The following POLE variants were observed in gnomAD, a reference collection of about 807,000 sequenced individuals.
POLE encodes DNA polymerase epsilon catalytic subunit A.
A neutral mutation model predicts 279.2 loss-of-function variants in POLE; 188 were observed. That is an observed-to-expected ratio of 0.67 (90% CI 0.60 to 0.76). The LOEUF (loss-of-function observed/expected upper bound fraction) is 0.76, where lower values mean the gene tolerates loss of function less well. Among genes scored for constraint, POLE ranks in the 30% least tolerant of loss-of-function variants. The pLI, the probability that POLE is intolerant of heterozygous loss-of-function variation, is 0.00. For synonymous variants in POLE, 1,214 were observed against 1,172.5 expected, an observed-to-expected ratio of 1.04 and a Z score of -0.72; for missense variants, 2,703 against 3,016.7, an observed-to-expected ratio of 0.90 and a Z score of 2.44.
In POLE at chr12:132,681,171, A is replaced by C. The variant is rs1593088069; in HGVS notation, c.171T>G (p.Gly57=). The C allele has an allele frequency of 1.2e-6, 2 of 1,614,084 alleles. No homozygotes were observed. The highest frequency in any genetic ancestry group is 1.7e-6 in the Non-Finnish European group (2 of 1,180,020). Residue 57 remains glycine, a synonymous_variant, in exon 2 of 49, where the codon GGT becomes GGG. Coordinates refer to ENST00000320574, the MANE Select transcript of POLE (RefSeq NM_006231.4). ...RFGFERLKEP[G]EKTGWLINMH... is the part of the protein sequence containing the mutation. ...TGTTAATGAGCCAGCCTGTCTTCTC[A>C]CCAGGCTCCTTCAGCCGCTCAAAAC...
rs1555220868 is a variant in POLE at position 132,632,332 on chromosome 12, T to C, written c.6313A>G (p.Ile2105Val). The change falls in exon 45 of 49, where the codon ATC becomes GTC. Residue 2105 changes from isoleucine to valine, a missense_variant. By Grantham distance (29) the Ile-to-Val change is conservative (BLOSUM62 3). Coordinates refer to ENST00000320574, the MANE Select transcript of POLE (RefSeq NM_006231.4). ...ACTCTCACCTTGCACACGTATTTGA[T>C]GAACTCCAGGGCAGGGTTATTGAGC... ...LLLNNPALEF[I>V]KYVCKVLSLD... 1.9e-6 allele frequency: 3 copies of C among 1,613,948 alleles called. No individual in the cohort carries two copies. The South Asian group carries it at 3.3e-5, about 18-fold the overall frequency.
At position 132,660,747 on chromosome 12, in the gene POLE, C is replaced by T. The variant is rs113250471; in HGVS notation, c.3060+222G>A. Reference sequence around the variant, plus strand: ...ACGCATCACCATGCCAGGCTTATCACGCTATTTAGAAAAACGTTTCCCTCA... The same window carrying T: ...ACGCATCACCATGCCAGGCTTATCATGCTATTTAGAAAAACGTTTCCCTCA... On this transcript the variant is annotated intron_variant, in intron 25 of 48. Coordinates refer to ENST00000320574, the MANE Select transcript of POLE (RefSeq NM_006231.4). 7.8e-4 allele frequency: 300 copies of T among 385,506 alleles called. 2 individuals are homozygous for T. The highest frequency in any genetic ancestry group is 5.4e-3 in the African/African-American group (265 of 49,096). 23.9% of individuals were successfully genotyped at this position (385,506 alleles called of 1,614,324 possible).
At chr12:132,633,124 T>A in intron 43 of POLE, 1 of 184,994 alleles carries the variant, frequency 5.4e-6, no homozygotes, top group Non-Finnish European at 1.1e-5. Context: ...AGCAAGCTTC[T>A]CCAAAAACTA....
intron 25 of POLE, chr12:132,659,711 G>A (rs2042637310): frequency 8.9e-6 from 5 of 562,698 alleles, no homozygotes; most frequent in Admixed American, 3.1e-5. Context: ...TATTTTTTTT[G>A]AGACAGAGTC....
In POLE at chr12:132,673,122, G is replaced by A. The variant is rs145932396; in HGVS notation, c.1473+42C>T. 58 of 1,278,640 alleles carry A rather than the reference G, an allele frequency of 4.5e-5. No homozygotes were observed. Among genetic ancestry groups the A allele is most frequent in the Non-Finnish European group, 6.0e-5 (52 of 873,912 alleles). The allele number at this position is 1,278,640 out of a possible 1,614,324, so 79.2% of individuals were successfully genotyped here. A position where few individuals can be genotyped will look rare whatever the true frequency, so the allele number is the denominator to read the frequency against. On this transcript the variant is annotated intron_variant, in intron 14 of 48. Coordinates refer to ENST00000320574, the MANE Select transcript of POLE (RefSeq NM_006231.4). ...TCCAGTGCATTTGGAATGGGGCAAG[G>A]GCTGAGGAGGCCAGGGTGCCGACAG...
In POLE at chr12:132,623,988, C is replaced by T. The variant is rs1432566531; in HGVS notation, c.*709G>A. Reference sequence around the variant, plus strand: ...GTGAAATTGGCCTTTCTTCTTTCTGCTTCCAGCTGGTCCTGTGTGGAGGTG... The same window carrying T: ...GTGAAATTGGCCTTTCTTCTTTCTGTTTCCAGCTGGTCCTGTGTGGAGGTG... On this transcript the variant is annotated 3_prime_UTR_variant, in exon 49 of 49. Transcript: ENST00000320574. The T allele has an allele frequency of 2.1e-5, 4 of 192,210 alleles. No individual in the cohort carries two copies. Among genetic ancestry groups the T allele is most frequent in the Non-Finnish European group, 4.3e-5 (4 of 92,168 alleles). The allele number at this position is 192,210 out of a possible 1,614,324, so 11.9% of individuals were successfully genotyped here.
chr12:132,647,142 C>T (rs1232287433), intron 32 of POLE, among the ~76,000 whole-genome samples: 1 of 152,046 alleles, frequency 6.6e-6, no homozygotes, highest in Non-Finnish European at 1.5e-5. Flanking sequence ...CTTAACATAC[C>T]TAACGTGTGT....
Position 132,639,806 on chromosome 12 carries a change from G to T in POLE, c.5379-508C>A, listed in dbSNP as rs2042105298. Among the ~76,000 whole-genome samples, 1 of 152,140 alleles carries T rather than the reference G, an allele frequency of 6.6e-6. No individual in the cohort carries two copies. Among genetic ancestry groups the T allele is most frequent in the Non-Finnish European group, 1.5e-5 (1 of 68,030 alleles). ...GTCTCTATTAAAAATACAAAAATTA[G>T]CTGGGCTAGTGCATGCCTGTAATCC... On this transcript the variant is annotated intron_variant, in intron 39 of 48. Transcript: ENST00000320574. This position sits in a 1 kb window ranked among gnomAD's most constrained non-coding sequence, Gnocchi z 4.7.
In POLE at chr12:132,667,643, A is replaced by G; in HGVS notation, c.2179T>C (p.Cys727Arg). ...KYEKRRLADY[C>R]RKAYKKIHIT... is the part of the protein sequence containing the mutation. ...TGGATCTTCTTGTAGGCTTTCCGGC[A>G]GTAATCTAAGCACGACGGAGATGGG... is the stretch of plus-strand genomic sequence containing the variant. The change falls in exon 20 of 49, where the codon TGC becomes CGC. Residue 727 changes from cysteine to arginine, a missense_variant. Around this residue, in one of 5 missense-constraint regions of POLE, gnomAD observed 1,011 missense variants for 1,111.7 expected, o/e 0.91. Transcript: ENST00000320574. 1 of 1,614,160 alleles carries G rather than the reference A, an allele frequency of 6.2e-7. No individual in the cohort carries two copies. The highest frequency in any genetic ancestry group is 8.5e-7 in the Non-Finnish European group (1 of 1,180,018).
intron 1 of POLE, among the ~76,000 whole-genome samples, chr12:132,686,349 C>CCGCT (rs1226694969): frequency 2.0e-5 from 3 of 152,116 alleles, no homozygotes; most frequent in Admixed American, 1.3e-4. Flanking sequence ...CCTTGACCTG[C>CCGCT]CGGGCTCAGG....
At chr12:132,632,927 C>T (rs947507185) in intron 43 of POLE, 132 bp from the exon 44 acceptor site, 2 of 1,025,036 alleles carry the variant, frequency 2.0e-6, no homozygotes, top group Non-Finnish European at 2.8e-6. Context: ...ATTTTATCTG[C>T]AGCCTTTAGA....
At position 132,668,268 on chromosome 12, in the gene POLE, G is replaced by C. The variant is rs2135973641; in HGVS notation, c.2173+88C>G. The C allele has an allele frequency of 6.9e-7, 1 of 1,459,722 alleles. No individual in the cohort carries two copies. The highest frequency in any genetic ancestry group is 9.1e-7 in the Non-Finnish European group (1 of 1,102,012). 90.4% of individuals were successfully genotyped at this position (1,459,722 alleles called of 1,614,324 possible). Reference sequence around the variant, plus strand: ...CTGTGACAACACCTCTGGGGCCCCAGCTGGGATGGACCAACGCAGCCCAGT... The same window carrying C: ...CTGTGACAACACCTCTGGGGCCCCACCTGGGATGGACCAACGCAGCCCAGT... On this transcript the variant is annotated intron_variant, in intron 19 of 48. Coordinates refer to ENST00000320574, the MANE Select transcript of POLE (RefSeq NM_006231.4). This position sits in a 1 kb window ranked among gnomAD's most constrained non-coding sequence, Gnocchi z 4.0.
Position 132,676,559 on chromosome 12 carries a change from A to C in POLE, c.896T>G (p.Met299Arg), listed in dbSNP as rs1300891010. ...CCACCTGCTCACCTGGCCATCGATC[A>C]TGTAGGAAATCATCATAATCTGGTC... is the stretch of plus-strand genomic sequence containing the variant. ...ETDQIMMISY[M>R]IDGQGYLITN... Residue 299 changes from methionine (M) to arginine (R), a missense_variant, in exon 9 of 49, where the codon ATG (methionine) becomes AGG (arginine). Around this residue, in one of 5 missense-constraint regions of POLE, gnomAD observed 1,011 missense variants for 1,111.7 expected, o/e 0.91. Transcript: ENST00000320574. 6.2e-7 allele frequency: 1 copy of C among 1,612,328 alleles called. No individual in the cohort carries two copies. Among genetic ancestry groups the C allele is most frequent in the African/African-American group, 1.3e-5 (1 of 74,884 alleles).
At chr12:132,671,262 C>CAAAAAAAA (rs397850854) in intron 16 of POLE, among the ~76,000 whole-genome samples, 2 of 64,496 alleles carry the variant, frequency 3.1e-5, no homozygotes, top group Non-Finnish European at 5.5e-5. Context: ...GACTCCGTCT[C>CAAAAAAAA]AAAAAAAAAA....
chr12:132,647,120 C>A (rs1030799270), intron 32 of POLE, among the ~76,000 whole-genome samples: 5 of 152,078 alleles, frequency 3.3e-5, no homozygotes, highest in Non-Finnish European at 7.4e-5. Flanking sequence ...AAAGTGAGGG[C>A]CTACCGTGTA....
In POLE at chr12:132,675,658, G is replaced by T; in HGVS notation, c.1106+77C>A. 6.4e-7 allele frequency: 1 copy of T among 1,561,944 alleles called. No individual in the cohort carries two copies. The highest frequency in any genetic ancestry group is 1.1e-5 in the South Asian group (1 of 89,502). Reference sequence around the variant, plus strand: ...CAGGAGCCACCTCCTAAGTCGACATGGGAAGCGCCCCTGCACCACGCAACG... The same window carrying T: ...CAGGAGCCACCTCCTAAGTCGACATTGGAAGCGCCCCTGCACCACGCAACG... On this transcript the variant is annotated intron_variant, in intron 11 of 48. Transcript: ENST00000320574. This position sits in a 1 kb window ranked among gnomAD's most constrained non-coding sequence, Gnocchi z 4.3.
intron 29 of POLE, chr12:132,650,165 C>T (rs930044071): frequency 1.6e-5 from 7 of 442,270 alleles, no homozygotes; most frequent in African/African-American, 1.2e-4. Context: ...ACTATGATCA[C>T]ACCACTGAAC....
rs148788180 is a variant in POLE at position 132,624,738 on chromosome 12, G to C, written c.6820C>G (p.Leu2274Val). 869 of 1,613,742 alleles carry C rather than the reference G, an allele frequency of 5.4e-4. 6 individuals are homozygous for C. The African/African-American group carries it at 8.9e-3, about 16-fold the overall frequency. ...GGGTTCTTCTGCAGCAGCCACTCCA[G>C]GGTCTCCAGGAGGTACGACATGCCG... ...HYGMSYLLET[L>V]EWLLQKNPQL... is the part of the protein sequence containing the mutation. The change falls in exon 49 of 49, where the codon CTG (leucine) becomes GTG (valine). Residue 2274 changes from leucine to valine, a missense_variant. Transcript: ENST00000320574.
In POLE at chr12:132,638,041, A is replaced by C; in HGVS notation, c.5651T>G (p.Ile1884Ser). ...CTKKRRVEDA[I>S]AYVEYITSSI... ...GCTGGTGATGTACTCCACGTAAGCG[A>C]TGGCATCTTCCACACGGCGCTTCTT... is the stretch of plus-strand genomic sequence containing the variant. Residue 1884 changes from isoleucine (I) to serine (S), a missense_variant, in exon 41 of 49, where the codon ATC (isoleucine) becomes AGC (serine). By Grantham distance (142) the Ile-to-Ser change is moderately radical (BLOSUM62 -2). Coordinates refer to ENST00000320574, the MANE Select transcript of POLE (RefSeq NM_006231.4). The C allele has an allele frequency of 6.2e-7, 1 of 1,614,034 alleles. No homozygotes were observed. The highest frequency in any genetic ancestry group is 8.5e-7 in the Non-Finnish European group (1 of 1,179,974).
Sources: gnomAD v4.1 joint callset for allele counts (sites outside exome capture counted in the v4.1 genomes callset) on GRCh38, gnomAD v4.1.1 for gene constraint, gnomAD v4.1.1 regional missense constraint, Gnocchi (gnomAD v3.1) non-coding constraint, MANE v1.5 for transcripts, NCBI Gene and HGNC (gene_info 2026-07-23, HGNC 2026-07-21) for gene names.